Variants in CCM2L observed in about 807,000 individuals in gnomAD.
CCM2L encodes the protein CCM2 like scaffold protein.
A neutral mutation model predicts 54.1 loss-of-function variants in CCM2L; 36 were observed. The ratio of observed to expected loss-of-function variants is 0.67; its 90% CI spans 0.51 to 0.88. CCM2L has a LOEUF of 0.88. Among genes scored for constraint, CCM2L ranks in the 40% least tolerant of loss-of-function variants. The pLI is 0.00. For missense variants in CCM2L, 700 were observed against 812.1 expected (o/e 0.86, Z 1.68); for synonymous variants, 351 against 359.3 (o/e 0.98, Z 0.26).
Position 32,029,020 on chromosome 20 carries a change from G to A in CCM2L, c.1159G>A (p.Ala387Thr), listed in dbSNP as rs1208094541. 6.2e-7 allele frequency: 1 copy of A among 1,614,074 alleles called. No individual in the cohort carries two copies. Among genetic ancestry groups the A allele is most frequent in the Non-Finnish European group, 8.5e-7 (1 of 1,180,034 alleles). ...SFNGSQDTFE[A>T]CYSGTSTPSF... ...TAATGGCTCCCAGGACACCTTTGAA[G>A]CATGTTACAGCGGCACGTCCACACC... The change falls in exon 8 of 10, where the codon GCA becomes ACA. Residue 387 changes from alanine to threonine, a missense_variant. Coordinates refer to ENST00000452892, the MANE Select transcript of CCM2L (RefSeq NM_001365692.1).
intron 1 of CCM2L, among the ~76,000 whole-genome samples, chr20:32,012,053 T>G (rs2064699895): frequency 6.6e-6 from 1 of 151,928 alleles, no homozygotes; most frequent in South Asian, 2.1e-4. Context: ...ATCCAGAATT[T>G]TGCACATGCT....
At chr20:32,018,306 A>G (rs2064762074) in intron 4 of CCM2L, 144 bp downstream of exon 4, 6 of 670,710 alleles carry the variant, frequency 8.9e-6, no homozygotes, top group Middle Eastern at 4.2e-4. Context: ...GGCAGAGGAG[A>G]TGGAAAAGGT....
intron 1 of CCM2L, among the ~76,000 whole-genome samples, chr20:32,013,517 C>T (rs2064711609): frequency 6.6e-6 from 1 of 152,122 alleles, no homozygotes; most frequent in African/African-American, 2.4e-5. Flanking sequence ...TCGCAGCTCA[C>T]AGCAGCCTCG....
At chr20:32,010,816 GGACA>G (rs1446115824) in intron 1 of CCM2L, among the ~76,000 whole-genome samples, 2 of 152,038 alleles carry the variant, frequency 1.3e-5, no homozygotes, top group East Asian at 1.9e-4. Context: ...TCAGACAGAC[GGACA>G]GACAGACACC....
chr20:32,029,173 T>C, intron 8 of CCM2L, 49 bp downstream of exon 8: 2 of 1,613,242 alleles, frequency 1.2e-6, no homozygotes, highest in Non-Finnish European at 1.7e-6. Flanking sequence ...GCCTGGAGGC[T>C]GGAGTAAACA....
At chr20:32,013,462 G>A (rs892699736) in intron 1 of CCM2L, among the ~76,000 whole-genome samples, 5 of 151,884 alleles carry the variant, frequency 3.3e-5, no homozygotes, top group African/African-American at 7.3e-5. Flanking sequence ...TTGTTCCTTC[G>A]ACAAGGTCTT....
rs776385104 is a variant in CCM2L, at chr20:32,022,713, C to A, written c.987C>A (p.Tyr329Ter). Residue 329 changes from tyrosine (Y) to a stop codon, truncating the protein, a stop_gained, in exon 6 of 10, where the codon TAC becomes TAA. Coordinates refer to ENST00000452892, the MANE Select transcript of CCM2L (RefSeq NM_001365692.1). LOFTEE classifies it high-confidence loss of function. ...ALICQVFQII[Y>*]GDQSIECVDR... ...TCTGTCAGGTCTTCCAGATCATCTACGGGGACCAGAGTATTGAGTGTGTGG... is the reference window on the plus strand; with the variant it reads ...TCTGTCAGGTCTTCCAGATCATCTAAGGGGACCAGAGTATTGAGTGTGTGG... The A allele has an allele frequency of 6.2e-7, 1 of 1,614,036 alleles. No individual in the cohort carries two copies. The highest frequency in any genetic ancestry group is 1.7e-5 in the Admixed American group (1 of 60,004).
At chr20:32,019,472 C>T in intron 5 of CCM2L, 63 bp downstream of exon 5, 1 of 1,183,674 alleles carries the variant, frequency 8.4e-7, no homozygotes, top group Non-Finnish European at 1.1e-6. Context: ...CCCGCCCCCA[C>T]CTTGCCCCCG....
At chr20:32,026,646 C>A (rs1034372674) in intron 7 of CCM2L, among the ~76,000 whole-genome samples, 4 of 152,290 alleles carry the variant, frequency 2.6e-5, no homozygotes, top group African/African-American at 9.6e-5. Flanking sequence ...GAGGCTGAGG[C>A]AGGTGGATCG....
Position 32,018,051 on chromosome 20 carries a change from C to T in CCM2L, c.355C>T (p.Leu119=). ...SILSLSARCL[L]LTWRDNEELI... ...CCTGAGCCTGTCTGCCCGCTGCCTG[C>T]TGCTCACCTGGCGCGACAATGAAGA... Residue 119 remains leucine (L), a synonymous_variant, in exon 4 of 10, where the codon CTG becomes TTG. Coordinates refer to ENST00000452892, the MANE Select transcript of CCM2L (RefSeq NM_001365692.1). The T allele has an allele frequency of 6.2e-7, 1 of 1,613,784 alleles. No individual in the cohort carries two copies. The highest frequency in any genetic ancestry group is 8.5e-7 in the Non-Finnish European group (1 of 1,179,990).
chr20:32,025,120 T>C (rs2064844211), intron 6 of CCM2L, among the ~76,000 whole-genome samples: 1 of 151,226 alleles, frequency 6.6e-6, no homozygotes, highest in Non-Finnish European at 1.5e-5. Context: ...CCCCTTCCCC[T>C]TTCTTTCTTT....
intron 1 of CCM2L, 110 bp from the exon 2 acceptor site, chr20:32,014,794 T>C: frequency 1.8e-6 from 2 of 1,086,440 alleles, no homozygotes; most frequent in Non-Finnish European, 2.6e-6. Context: ...GTACCCCTTC[T>C]GCAGAGTTTT....
At chr20:32,027,648 G>C (rs928747757) in intron 7 of CCM2L, 2 of 152,234 alleles carry the variant, frequency 1.3e-5, no homozygotes, top group African/African-American at 4.8e-5. Flanking sequence ...ACAGAAGAAG[G>C]CTGGCTCCAG....
intron 1 of CCM2L, among the ~76,000 whole-genome samples, chr20:32,014,409 GCTC>G (rs1394333461): frequency 1.3e-5 from 2 of 151,838 alleles, no homozygotes; most frequent in East Asian, 3.9e-4. Context: ...GGGATTACAG[GCTC>G]CTGGCACAAC....
At chr20:32,021,508 T>G (rs1171613109) in intron 5 of CCM2L, among the ~76,000 whole-genome samples, 1 of 151,944 alleles carries the variant, frequency 6.6e-6, no homozygotes, top group African/African-American at 2.4e-5. Context: ...ATACAAAAAA[T>G]TATCTGGGCG....
chr20:32,025,093 TTTC>T (rs1332937251), intron 6 of CCM2L, among the ~76,000 whole-genome samples: 5 of 149,386 alleles, frequency 3.3e-5, no homozygotes, highest in African/African-American at 5.1e-5. Context: ...CTCTCTTTCT[TTTC>T]TTTTCTTTTC....
chr20:32,018,551 G>C (rs2064764115), intron 4 of CCM2L, among the ~76,000 whole-genome samples: 2 of 151,836 alleles, frequency 1.3e-5, no homozygotes, highest in Admixed American at 1.3e-4. Flanking sequence ...TTCCAGGGGC[G>C]GGGCTGAGGA....
intron 7 of CCM2L, among the ~76,000 whole-genome samples, chr20:32,026,854 C>T (rs565077125): frequency 2.4e-3 from 353 of 147,434 alleles, no homozygotes; most frequent in African/African-American, 6.2e-3. Flanking sequence ...CCAGCCTGGG[C>T]GACAGAGCGA....
intron 1 of CCM2L, among the ~76,000 whole-genome samples, chr20:32,014,473 C>T (rs2064721266): frequency 6.6e-6 from 1 of 152,018 alleles, no homozygotes; most frequent in Admixed American, 6.6e-5. Flanking sequence ...ACCATGTTGG[C>T]CAGGCTAGTC....
Sources: allele counts gnomAD v4.1 joint callset (sites outside exome capture counted in the v4.1 genomes callset), GRCh38; gene constraint gnomAD v4.1.1; transcripts MANE v1.5; gene names NCBI Gene and HGNC (gene_info 2026-07-23, HGNC 2026-07-21).